NCOR2: variants seen among roughly 807,000 people sequenced by gnomAD.
NCOR2 encodes nuclear receptor corepressor 2.
Under a neutral mutation model 262.9 loss-of-function variants are expected in NCOR2, and 81 were observed. The observed-to-expected ratio is 0.31, with a 90% CI of 0.26 to 0.37. The LOEUF (loss-of-function observed/expected upper bound fraction) is 0.37. NCOR2 is among the 10% of genes least tolerant of loss of function. The pLI is 1.00. For missense variants in NCOR2, 3,385 were observed against 3,621.4 expected (o/e 0.93, Z 1.68); for synonymous variants, 1,659 against 1,559.3 (o/e 1.06, Z -1.51).
rs1175775452 is a variant in NCOR2 at position 124,457,569 on chromosome 12, C to A, written c.706-407G>T. ...TGGGTTGTCTACAATTACCTCAGAG[C>A]TAGTGCAGCCAGCGAGGGAAGGAGG... On this transcript the variant is annotated intron_variant, in intron 5 of 46. Transcript: ENST00000405201. The surrounding 1 kb of genome is among the most constrained non-coding windows in gnomAD (Gnocchi z 4.0). Among the ~76,000 whole-genome samples, 3 of 152,116 alleles carry A rather than the reference C, an allele frequency of 2.0e-5. No homozygotes were observed. Among genetic ancestry groups the A allele is most frequent in the Non-Finnish European group, 4.4e-5 (3 of 68,026 alleles).
chr12:124,492,280 C>A (rs541611659), intron 1 of NCOR2, among the ~76,000 whole-genome samples: 3 of 152,196 alleles, frequency 2.0e-5, no homozygotes, highest in Non-Finnish European at 4.4e-5. Context: ...GATGCACAGA[C>A]CCACCAGGAC....
Position 124,412,832 on chromosome 12 carries a change from C to A in NCOR2, c.1482+7125G>T, listed in dbSNP as rs186687850. 3.5e-4 allele frequency among the ~76,000 whole-genome samples: 54 copies of A among 152,346 alleles called. 1 individual carries two copies. In the East Asian group the frequency reaches 0.01, roughly 29 times the overall value. ...GGTGCGGCCCAGTGACTGGGTTTCC[C>A]CAGCCCTTCCGGTGATTCCGACATG... On this transcript the variant is annotated intron_variant, in intron 13 of 46. Coordinates refer to ENST00000405201, the Ensembl canonical transcript of NCOR2.
intron 5 of NCOR2, among the ~76,000 whole-genome samples, chr12:124,464,974 C>T (rs952629517): frequency 9.8e-5 from 15 of 152,310 alleles, no homozygotes; most frequent in African/African-American, 3.6e-4. Context: ...ACAGGCTTGT[C>T]TCATTCTGCA....
chr12:124,368,271 T>TG (rs1041174595), intron 20 of NCOR2, among the ~76,000 whole-genome samples: 7 of 152,040 alleles, frequency 4.6e-5, no homozygotes, highest in Admixed American at 6.5e-5. Context: ...GAAGGCCGGT[T>TG]GGGGGGCAGG....
chr12:124,416,780 T>TA (rs2042897174), intron 13 of NCOR2, among the ~76,000 whole-genome samples: 1 of 114,128 alleles, frequency 8.8e-6, no homozygotes, highest in Admixed American at 9.7e-5. Flanking sequence ...GCAGCACAGA[T>TA]AGACCCGTGG....
At chr12:124,335,878 G>T in intron 38 of NCOR2, 1 of 530,000 alleles carries the variant, frequency 1.9e-6, no homozygotes. Context: ...GAGACACAGA[G>T]AGAGATTAGG....
chr12:124,479,433 G>A (rs2047298917), intron 3 of NCOR2, among the ~76,000 whole-genome samples: 1 of 144,654 alleles, frequency 6.9e-6, no homozygotes, highest in East Asian at 2.0e-4. Context: ...ACGCACACAG[G>A]CACATGTGTG....
intron 13 of NCOR2, 125 bp downstream of exon 15, chr12:124,419,832 T>G (rs922599766): frequency 3.5e-6 from 3 of 850,488 alleles, no homozygotes; most frequent in South Asian, 2.9e-5. Context: ...ACACTGCCGG[T>G]GGCCAAGCAA....
intron 13 of NCOR2, among the ~76,000 whole-genome samples, chr12:124,410,306 C>A (rs922139219): frequency 5.3e-5 from 8 of 150,656 alleles, no homozygotes; most frequent in African/African-American, 2.0e-4. Flanking sequence ...CCATGTTGGT[C>A]TTTTCCTCAA....
intron 7 of NCOR2, among the ~76,000 whole-genome samples, chr12:124,441,286 G>A (rs2044787416): frequency 6.6e-6 from 1 of 152,158 alleles, no homozygotes; most frequent in Non-Finnish European, 1.5e-5. Flanking sequence ...AAAGTCAAAA[G>A]GACACAGAAC....
Position 124,378,353 on chromosome 12 carries a change from T to C in NCOR2, c.2051A>G (p.Lys684Arg). The C allele has an allele frequency of 6.2e-7, 1 of 1,613,672 alleles. No individual in the cohort carries two copies. Among genetic ancestry groups the C allele is most frequent in the Non-Finnish European group, 8.5e-7 (1 of 1,179,880 alleles). ...CTCGCTGGCCGCCGCCGGCGCTTTC[T>C]TCTTCTTCCTCCGCGCGTTCCTCTC... The change falls in exon 18 of 47, where the codon AAG becomes AGG. Residue 684 changes from lysine (K) to arginine (R), a missense_variant. By Grantham distance (26) the Lys-to-Arg change is conservative. Transcript: ENST00000405201. This position sits in a 1 kb window ranked among gnomAD's most constrained non-coding sequence, Gnocchi z 4.2.
chr12:124,348,349 G>C (rs770579763), intron 28 of NCOR2, 35 bp from the exon 31 acceptor site: 5 of 1,573,910 alleles, frequency 3.2e-6, no homozygotes, highest in Non-Finnish European at 3.5e-6. Context: ...TGAGGAGCTG[G>C]GCACGGGCCC....
At chr12:124,472,749 T>C (rs955976060) in intron 4 of NCOR2, among the ~76,000 whole-genome samples, 1 of 152,240 alleles carries the variant, frequency 6.6e-6, no homozygotes, top group Non-Finnish European at 1.5e-5. Flanking sequence ...CAGTGGAACA[T>C]GGCTATCCTG....
intron 40 of NCOR2, 154 bp from the exon 43 acceptor site, chr12:124,334,771 G>A (rs1424170029): frequency 2.4e-5 from 14 of 574,742 alleles, no homozygotes; most frequent in Middle Eastern, 4.6e-4. Context: ...CTGGGCCTCC[G>A]TGTCCCAGTG....
chr12:124,365,285 C>G (rs1182198334), intron 20 of NCOR2, among the ~76,000 whole-genome samples: 2 of 152,220 alleles, frequency 1.3e-5, no homozygotes, highest in Non-Finnish European at 2.9e-5. Context: ...TGTGCTGTGA[C>G]CACAGTGACG....
At chr12:124,422,895 T>C (rs1247406204) in intron 11 of NCOR2, among the ~76,000 whole-genome samples, 2 of 152,180 alleles carry the variant, frequency 1.3e-5, no homozygotes, top group Non-Finnish European at 2.9e-5. Context: ...TCCACTTTTG[T>C]TTCTCTCTCC....
At chr12:124,348,244 G>T in exon 29 of NCOR2, 2 of 1,613,218 alleles carry the variant, frequency 1.2e-6, no homozygotes, top group South Asian at 1.1e-5. Flanking sequence ...GCTTGGGGGC[G>T]GCCGTCTCAT....
intron 9 of NCOR2, among the ~76,000 whole-genome samples, 198 bp downstream of exon 11, chr12:124,430,417 A>G (rs1565936234): frequency 6.6e-6 from 1 of 152,192 alleles, no homozygotes. Context: ...TTGTCCCCAA[A>G]ATGTATTTAA....
At chr12:124,525,518 CAGG>C (rs368518599) in intron 1 of NCOR2, among the ~76,000 whole-genome samples, 49 of 152,368 alleles carry the variant, frequency 3.2e-4, no homozygotes, top group Admixed American at 9.1e-4. Context: ...TCCCCTCAAC[CAGG>C]AGGAGGCCGT....
Sources: allele counts gnomAD v4.1 joint callset (sites outside exome capture counted in the v4.1 genomes callset), GRCh38; gene constraint gnomAD v4.1.1; non-coding constraint Gnocchi (gnomAD v3.1); transcripts MANE v1.5; gene names NCBI Gene and HGNC (gene_info 2026-07-23, HGNC 2026-07-21).